Variants in TENT4B observed in about 807,000 individuals in gnomAD.
The protein encoded by TENT4B is terminal nucleotidyltransferase 4B.
TENT4B carries 10 observed loss-of-function variants against 75.0 expected under a neutral mutation model. The observed-to-expected ratio is 0.13, with a 90% CI of 0.08 to 0.23. The LOEUF (loss-of-function observed/expected upper bound fraction) is 0.23, where lower values mean the gene tolerates loss of function less well. TENT4B is among the 10% of genes least tolerant of loss of function. The pLI is 1.00. For missense variants in TENT4B, 579 were observed against 893.8 expected (o/e 0.65, Z 4.49); for synonymous variants, 350 against 357.7 (o/e 0.98, Z 0.24).
In TENT4B at chr16:50,153,959, A is replaced by T. The variant is rs1193619851; in HGVS notation, c.338A>T (p.Asn113Ile). 1 of 1,533,238 alleles carries T rather than the reference A, an allele frequency of 6.5e-7. No homozygotes were observed. Among genetic ancestry groups the T allele is most frequent in the East Asian group, 2.5e-5 (1 of 40,656 alleles). 95.0% of individuals were successfully genotyped at this position (1,533,238 alleles called of 1,614,324 possible). The change falls in exon 1 of 12, where the codon AAC (asparagine) becomes ATC (isoleucine). Residue 113 changes from asparagine (N) to isoleucine (I), a missense_variant. By Grantham distance (149) the Asn-to-Ile change is moderately radical. This residue lies in a region of TENT4B where 253 missense variants were observed against 270.1 expected (regional missense o/e 0.94). Coordinates refer to ENST00000561678, the MANE Select transcript of TENT4B (RefSeq NM_001365324.3). ...CCCCTAGAGACGACCAACAACAACA[A>T]CAACCACCACCAGCCCGGGGCCTGG... is the stretch of plus-strand genomic sequence containing the variant. ...FLPLETTNNN[N>I]NHHQPGAWAR...
rs530379235 is a variant in TENT4B, at chr16:50,231,319, A to T, written c.*1991A>T. 1.0e-6 allele frequency: 1 copy of T among 983,120 alleles called. No individual in the cohort carries two copies. Among genetic ancestry groups the T allele is most frequent in the African/African-American group, 1.7e-5 (1 of 57,174 alleles). 60.9% of individuals were successfully genotyped at this position (983,120 alleles called of 1,614,324 possible). On this transcript the variant is annotated 3_prime_UTR_variant, in exon 12 of 12. Coordinates refer to ENST00000561678, the MANE Select transcript of TENT4B (RefSeq NM_001365324.3). ...ATCACAGTATTTATTTTCTAGGACAATTGTGAATGTGTAGACTTATGTTTA... is the reference window on the plus strand; with the variant it reads ...ATCACAGTATTTATTTTCTAGGACATTTGTGAATGTGTAGACTTATGTTTA...
In TENT4B at chr16:50,203,522, T is replaced by G. The variant is rs188459053; in HGVS notation, c.639-7801T>G. On this transcript the variant is annotated intron_variant, in intron 1 of 11. Transcript: ENST00000561678. ...AAGAAAATTACATGTTCATTGTGAA[T>G]ATTTTCTTATCGACCTATCTCTGTG... is the stretch of plus-strand genomic sequence containing the variant. 1.2e-3 allele frequency among the ~76,000 whole-genome samples: 187 copies of G among 152,380 alleles called. 2 individuals are homozygous for G. The highest frequency in any genetic ancestry group is 3.8e-3 in the African/African-American group (159 of 41,594).
chr16:50,232,667 C>G lies in TENT4B; in HGVS notation c.*3339C>G. The G allele has an allele frequency of 2.1e-5, 21 of 984,938 alleles. No individual in the cohort carries two copies. The highest frequency in any genetic ancestry group is 2.5e-5 in the Non-Finnish European group (21 of 829,890). The allele number at this position is 984,938 out of a possible 1,614,324, so 61.0% of individuals were successfully genotyped here. On this transcript the variant is annotated 3_prime_UTR_variant, in exon 12 of 12. Transcript: ENST00000561678. ...CAGGATTCTCTTGCTGTGACATGTT[C>G]ATTGCAAAGCCCTCTCCAGTGACTA...
In TENT4B at chr16:50,154,845, A is replaced by G. The variant is rs573027915; in HGVS notation, c.638+586A>G. On this transcript the variant is annotated intron_variant, in intron 1 of 11. Transcript: ENST00000561678. ...TTGCCTGCTCTTGACCCTTTGGCCC[A>G]TCTTTTTATTTTTAAAAAATTCCCA... 4.6e-5 allele frequency among the ~76,000 whole-genome samples: 7 copies of G among 152,238 alleles called. No homozygotes were observed. In the South Asian group the frequency reaches 1.5e-3, roughly 32 times the overall value.
At chr16:50,203,406 A>G (rs908895558) in intron 1 of TENT4B, among the ~76,000 whole-genome samples, 1 of 152,138 alleles carries the variant, frequency 6.6e-6, no homozygotes, top group African/African-American at 2.4e-5. Flanking sequence ...GTGACCTTGT[A>G]TTGTTATCAG....
chr16:50,231,632 T>C lies in TENT4B; in HGVS notation c.*2304T>C. ...GGTTTTCGTAAATTTATTGGGAAAA[T>C]AGTTTTTCCTGTACTGCTGAAGTTT... On this transcript the variant is annotated 3_prime_UTR_variant, in exon 12 of 12. Coordinates refer to ENST00000561678, the MANE Select transcript of TENT4B (RefSeq NM_001365324.3). 1.0e-6 allele frequency: 1 copy of C among 985,804 alleles called. No individual in the cohort carries two copies. Among genetic ancestry groups the C allele is most frequent in the Non-Finnish European group, 1.2e-6 (1 of 829,906 alleles). The allele number at this position is 985,804 out of a possible 1,614,324, so 61.1% of individuals were successfully genotyped here.
chr16:50,167,141 G>C (rs2038116440), intron 1 of TENT4B, among the ~76,000 whole-genome samples: 1 of 152,066 alleles, frequency 6.6e-6, no homozygotes, highest in Admixed American at 6.6e-5. Context: ...TGACTTCCCT[G>C]GGCCACATTA....
chr16:50,194,416 C>T (rs566326694), intron 1 of TENT4B, among the ~76,000 whole-genome samples: 1 of 152,020 alleles, frequency 6.6e-6, no homozygotes, highest in Non-Finnish European at 1.5e-5. Context: ...GGTTTCATCA[C>T]GTTGGCCAGG....
intron 6 of TENT4B, 120 bp downstream of exon 6, chr16:50,222,554 T>A: frequency 9.7e-7 from 1 of 1,032,544 alleles, no homozygotes; most frequent in Non-Finnish European, 1.4e-6. Context: ...CTTGATTACT[T>A]AACGGCTTTT....
chr16:50,187,107 T>C (rs1443567868), intron 1 of TENT4B, among the ~76,000 whole-genome samples: 2 of 152,152 alleles, frequency 1.3e-5, no homozygotes, highest in Non-Finnish European at 1.5e-5. Flanking sequence ...CTTTCAATTT[T>C]GATGAAGTTT....
chr16:50,162,188 T>A (rs1464315520), intron 1 of TENT4B, among the ~76,000 whole-genome samples: 1 of 152,224 alleles, frequency 6.6e-6, no homozygotes, highest in African/African-American at 2.4e-5. Flanking sequence ...CACAATTTGT[T>A]TAACCATTTA....
At chr16:50,185,781 C>G (rs1450228913) in intron 1 of TENT4B, among the ~76,000 whole-genome samples, 1 of 151,994 alleles carries the variant, frequency 6.6e-6, no homozygotes, top group African/African-American at 2.4e-5. Flanking sequence ...ACCTGCACAC[C>G]CTTGGCATAC....
chr16:50,153,127 T>C (rs1458660323), upstream of TENT4B: 8 of 855,472 alleles, frequency 9.4e-6, no homozygotes, highest in African/African-American at 2.1e-5. Context: ...CGGCGAGGCC[T>C]CCCGGGCTGC....
chr16:50,208,909 T>A (rs373468594), intron 1 of TENT4B, among the ~76,000 whole-genome samples: 29 of 152,236 alleles, frequency 1.9e-4, no homozygotes, highest in African/African-American at 6.5e-4. Flanking sequence ...ATTTTTATAT[T>A]TTTAGTAGAG....
In TENT4B at chr16:50,232,084, T is replaced by C. The variant is rs1180492493; in HGVS notation, c.*2756T>C. 3 of 985,296 alleles carry C rather than the reference T, an allele frequency of 3.0e-6. No individual in the cohort carries two copies. Among genetic ancestry groups the C allele is most frequent in the Non-Finnish European group, 2.4e-6 (2 of 829,922 alleles). The allele number at this position is 985,296 out of a possible 1,614,324, so 61.0% of individuals were successfully genotyped here. Reference sequence around the variant, plus strand: ...TGTACCTGGCCATTAGAAATATTAATATTTAAAGACTGTTTTTTAGAGGAG... The same window carrying C: ...TGTACCTGGCCATTAGAAATATTAACATTTAAAGACTGTTTTTTAGAGGAG... On this transcript the variant is annotated 3_prime_UTR_variant, in exon 12 of 12. Transcript: ENST00000561678.
At chr16:50,169,762 A>G (rs1270591581) in intron 1 of TENT4B, among the ~76,000 whole-genome samples, 1 of 152,122 alleles carries the variant, frequency 6.6e-6, no homozygotes, top group Non-Finnish European at 1.5e-5. Context: ...TGGGCTTGGG[A>G]TGATTGGTGC....
At position 50,232,523 on chromosome 16, in the gene TENT4B, T is replaced by C. The variant is rs1596768161; in HGVS notation, c.*3195T>C. 1 of 985,422 alleles carries C rather than the reference T, an allele frequency of 1.0e-6. No individual in the cohort carries two copies. Among genetic ancestry groups the C allele is most frequent in the East Asian group, 1.1e-4 (1 of 8,814 alleles). 61.0% of individuals were successfully genotyped at this position (985,422 alleles called of 1,614,324 possible). A position where few individuals can be genotyped will look rare whatever the true frequency, so the allele number is the denominator to read the frequency against. On this transcript the variant is annotated 3_prime_UTR_variant, in exon 12 of 12. Transcript: ENST00000561678. ...TTATATCTCTCCATGTGTTTTCTGC[T>C]CCTTCCCTCCCCCATGAAATGGTAA...
At chr16:50,215,312 G>C (rs946494015) in intron 3 of TENT4B, among the ~76,000 whole-genome samples, 8 of 152,114 alleles carry the variant, frequency 5.3e-5, no homozygotes, top group Non-Finnish European at 1.5e-5. Flanking sequence ...CCAACTTAAA[G>C]TGTGCTGAAG....
At position 50,154,116 on chromosome 16, in the gene TENT4B, C is replaced by A. The variant is rs76347010; in HGVS notation, c.495C>A (p.Asn165Lys). The change falls in exon 1 of 12, where the codon AAC (asparagine) becomes AAA (lysine). Residue 165 changes from asparagine (N) to lysine (K), a missense_variant. Physicochemically the swap from Asn to Lys is moderately conservative, Grantham distance 94. Around this residue, in one of 7 missense-constraint regions of TENT4B, gnomAD observed 253 missense variants for 270.1 expected, o/e 0.94. Coordinates refer to ENST00000561678, the MANE Select transcript of TENT4B (RefSeq NM_001365324.3). ...GCAGCAACAAGAGGAAGCGCGACAA[C>A]AAGGCCAGCACGTATGGACTCAACT... is the stretch of plus-strand genomic sequence containing the variant. The part of the protein sequence containing the change: ...SGSSNKRKRD[N>K]KASTYGLNYS... The A allele has an allele frequency of 1.3e-6, 2 of 1,529,314 alleles. No homozygotes were observed. Among genetic ancestry groups the A allele is most frequent in the Non-Finnish European group, 1.7e-6 (2 of 1,144,362 alleles). 94.7% of individuals were successfully genotyped at this position (1,529,314 alleles called of 1,614,324 possible).
Sources: gnomAD v4.1 joint callset for allele counts (sites outside exome capture counted in the v4.1 genomes callset) on GRCh38, gnomAD v4.1.1 for gene constraint, gnomAD v4.1.1 regional missense constraint, MANE v1.5 for transcripts, NCBI Gene and HGNC (gene_info 2026-07-23, HGNC 2026-07-21) for gene names.